Variants in PRKCH observed in about 807,000 individuals in gnomAD.
PRKCH encodes protein kinase C eta, also known as protein kinase C eta type.
In PRKCH, 28 loss-of-function variants were observed where a neutral mutation model predicts 82.5. The ratio of observed to expected loss-of-function variants is 0.34; its 90% CI spans 0.25 to 0.47. The LOEUF (loss-of-function observed/expected upper bound fraction) is 0.47. Ranked by LOEUF, PRKCH falls within the 20% of genes least tolerant of loss-of-function variation. PRKCH has a pLI of 1.00. For missense variants in PRKCH, 705 were observed against 881.8 expected, an observed-to-expected ratio of 0.80 and a Z score of 2.54; for synonymous variants, 322 against 327.4, an observed-to-expected ratio of 0.98 and a Z score of 0.18.
intron 10 of PRKCH, among the ~76,000 whole-genome samples, chr14:61,507,046 G>C (rs1252004345): frequency 1.3e-5 from 2 of 152,054 alleles, no homozygotes; most frequent in Admixed American, 1.3e-4. Flanking sequence ...ATCTGATAAG[G>C]GGTTAGTATC....
At chr14:61,341,928 G>T (rs1409201712) in intron 1 of PRKCH, among the ~76,000 whole-genome samples, 2 of 152,164 alleles carry the variant, frequency 1.3e-5, no homozygotes, top group Non-Finnish European at 2.9e-5. Context: ...TGTATTGCCA[G>T]TGCATGGCCC....
intron 10 of PRKCH, among the ~76,000 whole-genome samples, chr14:61,510,966 C>A (rs904135702): frequency 1.3e-5 from 2 of 152,054 alleles, no homozygotes; most frequent in African/African-American, 4.8e-5. Flanking sequence ...CTTAGGGAAC[C>A]AGCTATCCTA....
At chr14:61,296,914 TTATC>T (rs1241479250) in intron 1 of PRKCH, among the ~76,000 whole-genome samples, 4 of 152,220 alleles carry the variant, frequency 2.6e-5, no homozygotes, top group African/African-American at 7.2e-5. Flanking sequence ...TGATCTGTAG[TTATC>T]TATGCAATAT....
intron 10 of PRKCH, among the ~76,000 whole-genome samples, chr14:61,518,425 A>T (rs1310611244): frequency 6.8e-6 from 1 of 147,306 alleles, no homozygotes; most frequent in Admixed American, 6.8e-5. Context: ...GTGATAGGGG[A>T]TGTGGAATGC....
chr14:61,457,724 C>G, intron 9 of PRKCH, 45 bp downstream of exon 9: 1 of 1,602,022 alleles, frequency 6.2e-7, no homozygotes, highest in Non-Finnish European at 8.5e-7. Context: ...TCTTTTCTTA[C>G]AGAGCTGAGA....
chr14:61,464,619 T>C (rs964678182), intron 9 of PRKCH, among the ~76,000 whole-genome samples: 4 of 152,212 alleles, frequency 2.6e-5, no homozygotes, highest in Non-Finnish European at 5.9e-5. Context: ...GTTCAACTTA[T>C]GAGTGAGAAC....
chr14:61,191,964 G>T (rs2044409341), intron 1 of PRKCH, among the ~76,000 whole-genome samples: 1 of 151,938 alleles, frequency 6.6e-6, no homozygotes, highest in Non-Finnish European at 1.5e-5. Context: ...AGGGTCATTG[G>T]CAGGGAGATG....
intron 10 of PRKCH, among the ~76,000 whole-genome samples, chr14:61,524,183 T>C (rs952309459): frequency 6.6e-6 from 1 of 152,272 alleles, no homozygotes; most frequent in African/African-American, 2.4e-5. Flanking sequence ...CAATCTGTTT[T>C]ATTACTCTCA....
intron 1 of PRKCH, among the ~76,000 whole-genome samples, chr14:61,214,311 G>A (rs552482646): frequency 6.6e-6 from 1 of 152,296 alleles, no homozygotes; most frequent in South Asian, 2.1e-4. Context: ...AGTAGAAGAA[G>A]TGAAGGGCCC....
At chr14:61,206,998 C>T (rs138553422) in intron 1 of PRKCH, among the ~76,000 whole-genome samples, 7,981 of 145,586 alleles carry the variant, frequency 0.055, 720 homozygotes, top group African/African-American at 0.19. Context: ...CCCAGCTACT[C>T]GGGAGGCCGA....
At chr14:61,337,912 C>T (rs1045530507) in intron 1 of PRKCH, among the ~76,000 whole-genome samples, 7 of 152,222 alleles carry the variant, frequency 4.6e-5, no homozygotes, top group Non-Finnish European at 8.8e-5. Context: ...TGATGTTTAG[C>T]GTAGCCTTGG....
At chr14:61,541,300 G>A (rs548568230) in intron 12 of PRKCH, among the ~76,000 whole-genome samples, 8 of 152,374 alleles carry the variant, frequency 5.3e-5, no homozygotes, top group African/African-American at 1.2e-4. Flanking sequence ...TGTGCTTCTC[G>A]TCAGCCCCAG....
At chr14:61,265,993 G>T (rs976386872) in intron 1 of PRKCH, among the ~76,000 whole-genome samples, 10 of 152,194 alleles carry the variant, frequency 6.6e-5, no homozygotes, top group African/African-American at 2.2e-4. Context: ...TACTCGGGAG[G>T]CTAAGGCAGG....
chr14:61,541,879 T>G (rs557129817), intron 12 of PRKCH, among the ~76,000 whole-genome samples: 1 of 152,364 alleles, frequency 6.6e-6, no homozygotes, highest in Admixed American at 6.5e-5. Flanking sequence ...GCCCACAAGA[T>G]GTGATAAGCA....
intron 2 of PRKCH, among the ~76,000 whole-genome samples, chr14:61,438,578 A>G (rs1883791966): frequency 6.6e-6 from 1 of 152,236 alleles, no homozygotes; most frequent in African/African-American, 2.4e-5. Context: ...AAAAGACCAA[A>G]GAGGATGATG....
chr14:61,370,995 C>G (rs2046359089), intron 1 of PRKCH, among the ~76,000 whole-genome samples: 2 of 152,034 alleles, frequency 1.3e-5, no homozygotes, highest in South Asian at 4.1e-4. Flanking sequence ...CTAGAAAGGC[C>G]AGATATTCTT....
At chr14:61,221,769 C>T (rs1199188744) in intron 1 of PRKCH, among the ~76,000 whole-genome samples, 1 of 152,202 alleles carries the variant, frequency 6.6e-6, no homozygotes, top group Non-Finnish European at 1.5e-5. Flanking sequence ...AGTGTCACCC[C>T]TGTGTCCTCA....
At chr14:61,368,349 A>G (rs558043453) in intron 1 of PRKCH, among the ~76,000 whole-genome samples, 2 of 150,764 alleles carry the variant, frequency 1.3e-5, no homozygotes, top group South Asian at 2.1e-4. Context: ...CGTGTCCCCA[A>G]GATGATCTTG....
At chr14:61,501,235 C>T (rs1886893169) in intron 10 of PRKCH, among the ~76,000 whole-genome samples, 1 of 151,896 alleles carries the variant, frequency 6.6e-6, no homozygotes, top group East Asian at 1.9e-4. Context: ...GAAAAGTGAT[C>T]CAGGGAAGGA....
Sources: gnomAD v4.1 joint callset for allele counts (sites outside exome capture counted in the v4.1 genomes callset) on GRCh38, gnomAD v4.1.1 for gene constraint, MANE v1.5 for transcripts, NCBI Gene and HGNC (gene_info 2026-07-23, HGNC 2026-07-21) for gene names.